Variants in CACNA2D3 observed in about 807,000 individuals in gnomAD.
CACNA2D3 encodes calcium voltage-gated channel auxiliary subunit alpha2delta 3.
Under a neutral mutation model 160.6 loss-of-function variants are expected in CACNA2D3, and 60 were observed. That is an observed-to-expected ratio of 0.37 (90% CI 0.30 to 0.46). The LOEUF is 0.46. Among genes scored for constraint, CACNA2D3 ranks in the 20% least tolerant of loss-of-function variants. The pLI is 1.00. For synonymous variants in CACNA2D3, 558 were observed against 492.9 expected (o/e 1.13, Z -1.75); for missense variants, 1,205 against 1,365.0 (o/e 0.88, Z 1.85).
chr3:54,315,286 C>T (rs1703834806), intron 2 of CACNA2D3, among the ~76,000 whole-genome samples: 1 of 152,116 alleles, frequency 6.6e-6, no homozygotes, highest in South Asian at 2.1e-4. Flanking sequence ...GGGGAAGGCT[C>T]CAAGCTCACC....
intron 10 of CACNA2D3, among the ~76,000 whole-genome samples, chr3:54,641,428 G>A (rs1474896144): frequency 6.6e-6 from 1 of 152,158 alleles, no homozygotes; most frequent in Non-Finnish European, 1.5e-5. Flanking sequence ...TTATGTAGAT[G>A]AAGCCTCTAA....
At chr3:54,250,998 A>G (rs1702178647) in intron 2 of CACNA2D3, among the ~76,000 whole-genome samples, 1 of 152,180 alleles carries the variant, frequency 6.6e-6, no homozygotes, top group Non-Finnish European at 1.5e-5. Flanking sequence ...CAGTAGGAGA[A>G]ACAGCGGGTG....
At chr3:55,018,479 T>C (rs1043378537) in intron 35 of CACNA2D3, among the ~76,000 whole-genome samples, 162 bp downstream of exon 35, 3 of 152,180 alleles carry the variant, frequency 2.0e-5, no homozygotes, top group African/African-American at 4.8e-5. Flanking sequence ...AAACACCACT[T>C]GGCTTTATAA....
chr3:54,285,519 C>T (rs1702993306), intron 2 of CACNA2D3, among the ~76,000 whole-genome samples: 1 of 152,188 alleles, frequency 6.6e-6, no homozygotes, highest in African/African-American at 2.4e-5. Flanking sequence ...CACAGACAAA[C>T]AAAAAGACAG....
intron 31 of CACNA2D3, among the ~76,000 whole-genome samples, chr3:55,003,873 T>G (rs187465275): frequency 4.6e-5 from 7 of 152,256 alleles, no homozygotes; most frequent in Admixed American, 4.6e-4. Context: ...TAAGGGAACT[T>G]CAGAAAACAA....
intron 11 of CACNA2D3, among the ~76,000 whole-genome samples, chr3:54,658,802 A>G (rs1345151690): frequency 6.6e-6 from 1 of 151,968 alleles, no homozygotes; most frequent in African/African-American, 2.4e-5. Flanking sequence ...CTCCCCGCTC[A>G]GTGCAGAGTT....
intron 4 of CACNA2D3, among the ~76,000 whole-genome samples, chr3:54,452,340 GC>G (rs987498838): frequency 6.6e-6 from 1 of 152,152 alleles, no homozygotes. Flanking sequence ...GGGGGAAATT[GC>G]CCCCCATGAT....
chr3:54,729,807 G>A (rs754740825), intron 11 of CACNA2D3, among the ~76,000 whole-genome samples: 3 of 151,976 alleles, frequency 2.0e-5, no homozygotes, highest in African/African-American at 7.3e-5. Flanking sequence ...AGACCATCCC[G>A]CCTAACATGT....
chr3:54,972,704 C>T (rs1702302099), intron 29 of CACNA2D3, among the ~76,000 whole-genome samples: 1 of 152,154 alleles, frequency 6.6e-6, no homozygotes, highest in Admixed American at 6.5e-5. Flanking sequence ...TAGGTGGAGC[C>T]AGTGTGCCAG....
At chr3:54,380,146 A>G (rs776520128) in intron 3 of CACNA2D3, among the ~76,000 whole-genome samples, 4 of 152,240 alleles carry the variant, frequency 2.6e-5, no homozygotes, top group East Asian at 1.9e-4. Flanking sequence ...GACCCTTGGT[A>G]CAAGACAAGA....
At chr3:54,968,366 C>T in intron 27 of CACNA2D3, 84 bp from the exon 28 acceptor site, 2 of 873,890 alleles carry the variant, frequency 2.3e-6, no homozygotes, top group Non-Finnish European at 1.9e-6. Flanking sequence ...AGCTTCTTGC[C>T]ATGACGGATA....
chr3:54,834,090 G>A (rs1213935196), intron 14 of CACNA2D3, among the ~76,000 whole-genome samples: 1 of 152,220 alleles, frequency 6.6e-6, no homozygotes, highest in African/African-American at 2.4e-5. Context: ...ATTAGCTCCT[G>A]AGTGAAGTTG....
chr3:54,969,973 A>G, intron 29 of CACNA2D3, 129 bp downstream of exon 29: 1 of 621,024 alleles, frequency 1.6e-6, no homozygotes, highest in Non-Finnish European at 2.7e-6. Context: ...TCTAAAAAAA[A>G]AAAAATCATT....
chr3:54,638,403 C>T (rs1045743556), intron 10 of CACNA2D3: 9 of 151,956 alleles, frequency 5.9e-5, no homozygotes, highest in East Asian at 1.9e-4. Context: ...CTGGGCAGGT[C>T]GGGGAGGGCT....
chr3:54,897,412 A>G (rs759347907), intron 26 of CACNA2D3, among the ~76,000 whole-genome samples: 3 of 152,232 alleles, frequency 2.0e-5, no homozygotes, highest in Non-Finnish European at 4.4e-5. Flanking sequence ...AAAAAATTAA[A>G]GTCACCTGCC....
At chr3:54,526,296 TTGTC>T (rs1701721531) in intron 5 of CACNA2D3, among the ~76,000 whole-genome samples, 1 of 152,228 alleles carries the variant, frequency 6.6e-6, no homozygotes, top group Admixed American at 6.5e-5. Flanking sequence ...TTTGAAGTCT[TTGTC>T]TATTAAACAA....
chr3:54,173,951 T>C (rs952725983), intron 2 of CACNA2D3, among the ~76,000 whole-genome samples: 2 of 152,196 alleles, frequency 1.3e-5, no homozygotes, highest in East Asian at 1.9e-4. Context: ...GTTTTGGAAT[T>C]TGATTGCTTA....
intron 35 of CACNA2D3, among the ~76,000 whole-genome samples, chr3:55,064,080 C>T (rs1402616478): frequency 2.0e-5 from 3 of 152,166 alleles, no homozygotes; most frequent in Non-Finnish European, 4.4e-5. Context: ...CTTAAGGAGC[C>T]CTGCCCAGTT....
At chr3:54,703,551 CATA>C in intron 11 of CACNA2D3, among the ~76,000 whole-genome samples, 2 of 152,254 alleles carry the variant, frequency 1.3e-5, no homozygotes, top group East Asian at 3.9e-4. Context: ...GCGCTGGCCA[CATA>C]GTGAAGGTTC....
Sources: gnomAD v4.1 joint callset for allele counts (sites outside exome capture counted in the v4.1 genomes callset) on GRCh38, gnomAD v4.1.1 for gene constraint, MANE v1.5 for transcripts, NCBI Gene and HGNC (gene_info 2026-07-23, HGNC 2026-07-21) for gene names.